Variants in ANO3 observed in about 807,000 individuals in gnomAD.
ANO3 encodes the protein anoctamin-3.
Under a neutral mutation model 144.8 loss-of-function variants are expected in ANO3, and 99 were observed. The ratio of observed to expected loss-of-function variants is 0.68; its 90% CI spans 0.58 to 0.81. The LOEUF (loss-of-function observed/expected upper bound fraction) is 0.81, where lower values mean the gene tolerates loss of function less well. Among genes scored for constraint, ANO3 ranks in the 30% least tolerant of loss-of-function variants. The pLI, the probability that ANO3 is intolerant of heterozygous loss-of-function variation, is 0.00. For synonymous variants in ANO3, 414 were observed against 392.6 expected (o/e 1.05, Z -0.64); for missense variants, 905 against 1,202.2 (o/e 0.75, Z 3.66).
chr11:26,242,536 T>C (rs1323527386), intron 1 of ANO3, among the ~76,000 whole-genome samples: 3 of 152,332 alleles, frequency 2.0e-5, no homozygotes, highest in South Asian at 2.1e-4. Context: ...TTCCACCATA[T>C]AGTTTGTGCA....
In ANO3 at chr11:26,438,941, C is replaced by T. The variant is rs11029558; in HGVS notation, c.47-2977C>T. On this transcript the variant is annotated intron_variant, in intron 1 of 26. Coordinates refer to ENST00000256737, the MANE Select transcript of ANO3 (RefSeq NM_031418.4). ...GATTTTCTGGTTTTAAAACTTACTG[C>T]GAAGCTACAATGCTAAAGACGTTGT... 6.6e-5 allele frequency among the ~76,000 whole-genome samples: 10 copies of T among 152,214 alleles called. No homozygotes were observed. In the East Asian group the frequency reaches 9.7e-4, roughly 15 times the overall value.
intron 4 of ANO3, among the ~76,000 whole-genome samples, chr11:26,486,360 CA>C (rs10681114): frequency 0.036 from 2,679 of 74,324 alleles, 49 homozygotes; most frequent in African/African-American, 0.13. Context: ...GACTCTGTCT[CA>C]AAAAAAAAAA....
chr11:26,428,170 T>A (rs551072710), intron 1 of ANO3, among the ~76,000 whole-genome samples: 1 of 152,338 alleles, frequency 6.6e-6, no homozygotes, highest in South Asian at 2.1e-4. Flanking sequence ...AACATGTATA[T>A]GTATATATGT....
intron 1 of ANO3, among the ~76,000 whole-genome samples, chr11:26,238,968 A>C (rs532630842): frequency 6.6e-6 from 1 of 151,112 alleles, no homozygotes; most frequent in South Asian, 2.1e-4. Flanking sequence ...GAATTGTATT[A>C]ATGTATGTTC....
At chr11:26,260,407 GT>G (rs1279059488) in intron 1 of ANO3, among the ~76,000 whole-genome samples, 53 of 152,268 alleles carry the variant, frequency 3.5e-4, no homozygotes, top group Middle Eastern at 3.4e-3. Flanking sequence ...TTTTAAAGAA[GT>G]TTTGTGATTT....
At chr11:26,487,682 A>G (rs1047058064) in intron 4 of ANO3, among the ~76,000 whole-genome samples, 4 of 152,114 alleles carry the variant, frequency 2.6e-5, no homozygotes, top group Non-Finnish European at 4.4e-5. Context: ...TCTCAGATGG[A>G]GATGAGGAGT....
At chr11:26,299,547 T>C (rs1436660319) in intron 1 of ANO3, among the ~76,000 whole-genome samples, 3 of 152,146 alleles carry the variant, frequency 2.0e-5, no homozygotes, top group African/African-American at 7.2e-5. Context: ...TTGCCTTTTT[T>C]TTTTCCTATT....
intron 4 of ANO3, 73 bp from the exon 5 acceptor site, chr11:26,508,031 A>G: frequency 7.5e-7 from 1 of 1,328,150 alleles, no homozygotes. Flanking sequence ...CAGTGTTCAA[A>G]TGGCAGTAAC....
intron 4 of ANO3, among the ~76,000 whole-genome samples, chr11:26,505,324 T>G (rs1415161060): frequency 6.6e-6 from 1 of 152,186 alleles, no homozygotes; most frequent in Non-Finnish European, 1.5e-5. Context: ...AGTACCTGTT[T>G]GGAGAAGATA....
intron 1 of ANO3, among the ~76,000 whole-genome samples, chr11:26,199,700 A>C (rs1299516393): frequency 6.6e-6 from 1 of 152,212 alleles, no homozygotes; most frequent in Admixed American, 6.5e-5. Flanking sequence ...TATCTTCCTT[A>C]GTATGAGGAA....
chr11:26,342,755 C>G (rs1855397245), intron 1 of ANO3, among the ~76,000 whole-genome samples: 1 of 152,180 alleles, frequency 6.6e-6, no homozygotes, highest in Non-Finnish European at 1.5e-5. Flanking sequence ...TGGAAAAAGG[C>G]TTTTGCTGTT....
chr11:26,235,184 TA>T lies in ANO3; in HGVS notation c.154+45857del, dbSNP rs1852492719. On this transcript the variant is annotated intron_variant, in intron 1 of 27. Transcript: ENST00000672621. ...CCTTTTCTGGAAATGCCCTCACAGA[TA>T]AATCCAGTAATAATGTTTAACCAGG... 7.2e-5 allele frequency among the ~76,000 whole-genome samples: 11 copies of T among 152,310 alleles called. 1 individual carries two copies. In the South Asian group the frequency reaches 2.3e-3, roughly 32 times the overall value.
rs1852877751 is a variant in ANO3 at position 26,634,205 on chromosome 11, A to G, written c.1875A>G (p.Glu625=). 1.2e-6 allele frequency: 2 copies of G among 1,610,580 alleles called. No homozygotes were observed. Among genetic ancestry groups the G allele is most frequent in the East Asian group, 4.5e-5 (2 of 44,848 alleles). ...EKIAYLLTNL[E]YPRTESEWEN... ...CAATGCAACCTGTGTTCCTTTTAGA[A>G]TATCCTCGAACAGAATCAGAGTGGG... The change falls in exon 19 of 27, where the codon GAA becomes GAG. Residue 625 remains glutamate (E), a splice_region_variant and synonymous_variant. Transcript: ENST00000256737.
At position 26,465,256 on chromosome 11, in the gene ANO3, G is replaced by A. The variant is rs573621557; in HGVS notation, c.432+2108G>A. Among the ~76,000 whole-genome samples, 4 of 144,726 alleles carry A rather than the reference G, an allele frequency of 2.8e-5. No individual in the cohort carries two copies. In the East Asian group the frequency reaches 6.2e-4, roughly 22 times the overall value. 94.9% of individuals were successfully genotyped at this position (144,726 alleles called of 152,430 possible). A position where few individuals can be genotyped will look rare whatever the true frequency, so the allele number is the denominator to read the frequency against. On this transcript the variant is annotated intron_variant, in intron 4 of 26. Transcript: ENST00000256737. ...GTCCTACAAATAGAAACTTCCTATG[G>A]TTCAAATGAACCTATTTAGATAGAT... is the stretch of plus-strand genomic sequence containing the variant.
intron 1 of ANO3, among the ~76,000 whole-genome samples, chr11:26,244,116 G>GA (rs755726181): frequency 0.026 from 2,445 of 94,492 alleles, 90 homozygotes; most frequent in African/African-American, 0.083. Context: ...GACTCTGTCT[G>GA]AAAAAAAAAA....
intron 1 of ANO3, among the ~76,000 whole-genome samples, chr11:26,253,730 A>G (rs900802521): frequency 1.3e-5 from 2 of 152,142 alleles, no homozygotes; most frequent in Admixed American, 1.3e-4. Flanking sequence ...ACAGTCAGTA[A>G]ATGGTAAAGC....
intron 3 of ANO3, among the ~76,000 whole-genome samples, chr11:26,454,230 G>A (rs1859058822): frequency 6.6e-6 from 1 of 152,114 alleles, no homozygotes; most frequent in Non-Finnish European, 1.5e-5. Flanking sequence ...TAAAATCAGA[G>A]CAGAACTGAA....
At chr11:26,619,591 C>T (rs1852355848) in intron 17 of ANO3, among the ~76,000 whole-genome samples, 2 of 152,086 alleles carry the variant, frequency 1.3e-5, no homozygotes, top group South Asian at 2.1e-4. Context: ...CTCATTACCT[C>T]AGCCTCCCAA....
intron 1 of ANO3, among the ~76,000 whole-genome samples, chr11:26,240,057 C>A (rs972294155): frequency 2.6e-5 from 4 of 152,164 alleles, no homozygotes; most frequent in Non-Finnish European, 5.9e-5. Flanking sequence ...TAACTCAGCC[C>A]CACTTATTGG....
Sources: allele counts gnomAD v4.1 joint callset (sites outside exome capture counted in the v4.1 genomes callset), GRCh38; gene constraint gnomAD v4.1.1; transcripts MANE v1.5; gene names NCBI Gene and HGNC (gene_info 2026-07-23, HGNC 2026-07-21).